METTL3: variants seen among roughly 807,000 people sequenced by gnomAD.
The protein encoded by METTL3 is N(6)-adenosine-methyltransferase catalytic subunit METTL3.
Under a neutral mutation model 64.3 loss-of-function variants are expected in METTL3, and 42 were observed. The observed-to-expected ratio is 0.65, with a 90% CI of 0.51 to 0.84. The LOEUF (loss-of-function observed/expected upper bound fraction) is 0.84, where lower values mean the gene tolerates loss of function less well. METTL3 is among the 40% of genes least tolerant of loss of function. The pLI is 0.00. For missense variants in METTL3, 435 were observed against 722.3 expected (o/e 0.60, Z 4.56); for synonymous variants, 256 against 263.6 (o/e 0.97, Z 0.28).
At chr14:21,505,889 T>A (rs952462139) in intron 1 of METTL3, among the ~76,000 whole-genome samples, 2 of 150,138 alleles carry the variant, frequency 1.3e-5, no homozygotes, top group Non-Finnish European at 3.0e-5. Flanking sequence ...ACCCTTTAAT[T>A]AAGAGAACCA....
rs1378792327 is a variant in METTL3, at chr14:21,504,093, T to C, written c.101-212A>G. The C allele has an allele frequency of 2.5e-5, 14 of 555,774 alleles. No homozygotes were observed. In the East Asian group the frequency reaches 4.0e-4, roughly 16 times the overall value. 34.4% of individuals were successfully genotyped at this position (555,774 alleles called of 1,614,324 possible). ...AATACTGGATTTTCTATCTACCTTT[T>C]CTCTATTGAGTGAGTAATCTTTTCC... is the stretch of plus-strand genomic sequence containing the variant. On this transcript the variant is annotated intron_variant, in intron 1 of 10. Coordinates refer to ENST00000298717, the MANE Select transcript of METTL3 (RefSeq NM_019852.5).
intron 1 of METTL3, among the ~76,000 whole-genome samples, chr14:21,508,759 TG>T (rs981156498): frequency 1.2e-4 from 18 of 152,088 alleles, no homozygotes; most frequent in Non-Finnish European, 2.1e-4. Context: ...CCAGGAGTGG[TG>T]GCACATGCCT....
At chr14:21,504,358 CACAA>C (rs1457272847) in intron 1 of METTL3, 3 of 157,312 alleles carry the variant, frequency 1.9e-5, no homozygotes, top group Non-Finnish European at 4.2e-5. Context: ...CTATAACACT[CACAA>C]ACACAAAAAT....
At position 21,501,725 on chromosome 14, in the gene METTL3, G is replaced by C; in HGVS notation, c.899+3C>G. On this transcript the variant is annotated splice_donor_region_variant and intron_variant, in intron 4 of 10. Coordinates refer to ENST00000298717, the MANE Select transcript of METTL3 (RefSeq NM_019852.5). ...CATCCCACCTCATTCCCTTCCAAGA[G>C]ACCTGAAGTGCAGCTTGCGACAGGG... 1.9e-6 allele frequency: 3 copies of C among 1,614,098 alleles called. No homozygotes were observed. The highest frequency in any genetic ancestry group is 2.5e-6 in the Non-Finnish European group (3 of 1,179,946).
intron 1 of METTL3, chr14:21,504,746 C>A (rs1189077802): frequency 1.3e-5 from 2 of 150,296 alleles, no homozygotes; most frequent in African/African-American, 4.9e-5. Context: ...GCCTGGCCAA[C>A]ATGGTGAAAC....
intron 4 of METTL3, chr14:21,501,408 T>G: frequency 1.8e-6 from 1 of 547,074 alleles, no homozygotes; most frequent in African/African-American, 1.9e-5. Flanking sequence ...AACACTGACC[T>G]AAGAGTTTAG....
chr14:21,504,063 A>T (rs1286991239), intron 1 of METTL3, 182 bp from the exon 2 acceptor site: 2 of 595,048 alleles, frequency 3.4e-6, no homozygotes, highest in African/African-American at 3.7e-5. Flanking sequence ...CTGCTTTGTC[A>T]AGATAATACT....
rs1444701293 is a variant in METTL3, at chr14:21,501,060, C to T, written c.969G>A (p.Met323Ile). The T allele has an allele frequency of 1.9e-6, 3 of 1,613,980 alleles. No individual in the cohort carries two copies. The highest frequency in any genetic ancestry group is 2.5e-6 in the Non-Finnish European group (3 of 1,180,028). Reference sequence around the variant, plus strand: ...CATAGTGAACATACTTGCAGGTATCCATGTGGAAACATGTATTAAGGAAAG... The same window carrying T: ...CATAGTGAACATACTTGCAGGTATCTATGTGGAAACATGTATTAAGGAAAG... ...DCSFLNTCFH[M>I]DTCKYVHYEI... Residue 323 changes from methionine to isoleucine, a missense_variant, in exon 5 of 11, where the codon ATG (methionine) becomes ATA (isoleucine). Met to Ile is a conservative substitution (Grantham distance 10). Transcript: ENST00000298717.
At chr14:21,500,184 C>G (rs1891524422) in intron 6 of METTL3, among the ~76,000 whole-genome samples, 1 of 151,954 alleles carries the variant, frequency 6.6e-6, no homozygotes, top group Non-Finnish European at 1.5e-5. Context: ...ATGGTGAAAT[C>G]CAGTCTCTAC....
chr14:21,505,227 C>T (rs529520605), intron 1 of METTL3, among the ~76,000 whole-genome samples: 4 of 152,322 alleles, frequency 2.6e-5, no homozygotes, highest in African/African-American at 9.6e-5. Flanking sequence ...GAGGATTCCA[C>T]TCTCACCCAT....
chr14:21,507,441 C>T (rs1164265082), intron 1 of METTL3, among the ~76,000 whole-genome samples: 1 of 152,034 alleles, frequency 6.6e-6, no homozygotes, highest in African/African-American at 2.4e-5. Context: ...GGGCGGATCA[C>T]GAGGTCAGGA....
At chr14:21,502,051 T>G in intron 3 of METTL3, 148 bp from the exon 4 acceptor site, 2 of 670,308 alleles carry the variant, frequency 3.0e-6, no homozygotes, top group Non-Finnish European at 4.9e-6. Flanking sequence ...GGGATCTTGC[T>G]GTCACCCAGG....
Position 21,503,494 on chromosome 14 carries a change from A to G in METTL3, c.402T>C (p.Gly134=). The G allele has an allele frequency of 1.2e-6, 2 of 1,611,862 alleles. No homozygotes were observed. Among genetic ancestry groups the G allele is most frequent in the Non-Finnish European group, 1.7e-6 (2 of 1,179,980 alleles). The change falls in exon 3 of 11, where the codon GGT becomes GGC. Residue 134 remains glycine (G), a synonymous_variant. Coordinates refer to ENST00000298717, the MANE Select transcript of METTL3 (RefSeq NM_019852.5). ...TAGGATGTGCATCATCTTGTAGGAG[A>G]CCTCGCTTTACCTCAATCAACTCCT... ...AAQELIEVKR[G]LLQDDAHPTL...
intron 7 of METTL3, 53 bp downstream of exon 7, chr14:21,499,711 A>G: frequency 1.3e-6 from 2 of 1,582,680 alleles, no homozygotes; most frequent in South Asian, 1.1e-5. Flanking sequence ...GAGAACATGT[A>G]TCTCACTGTA....
At chr14:21,505,171 A>T (rs35856604) in intron 1 of METTL3, among the ~76,000 whole-genome samples, 29,913 of 151,352 alleles carry the variant, frequency 0.2, 3,659 homozygotes, top group African/African-American at 0.35. Flanking sequence ...TAGCCACACA[A>T]GGTGGCCTGT....
rs139331788 is a variant in METTL3 at position 21,503,043 on chromosome 14, T to G, written c.723+130A>C. ...CGGACATTACCAGATCCCCTGGGAG[T>G]TGGGCAGTAGGGAATCATCCCCAGT... On this transcript the variant is annotated intron_variant, in intron 3 of 10. Coordinates refer to ENST00000298717, the MANE Select transcript of METTL3 (RefSeq NM_019852.5). 1.0e-4 allele frequency: 99 copies of G among 992,196 alleles called. 1 individual carries two copies. The East Asian group carries it at 2.0e-3, about 20-fold the overall frequency. The allele number at this position is 992,196 out of a possible 1,614,324, so 61.5% of individuals were successfully genotyped here.
At chr14:21,499,158 GC>G (rs776422186) in intron 9 of METTL3, 21 bp from the exon 10 acceptor site, 1 of 1,598,042 alleles carries the variant, frequency 6.3e-7, no homozygotes, top group Non-Finnish European at 8.6e-7. Context: ...AAAACTAGCT[GC>G]TTTTTAAGTT....
At chr14:21,505,938 C>G (rs1306158194) in intron 1 of METTL3, among the ~76,000 whole-genome samples, 2 of 152,114 alleles carry the variant, frequency 1.3e-5, no homozygotes, top group Non-Finnish European at 2.9e-5. Flanking sequence ...TTGCTGAATC[C>G]TTAAACGTGT....
At chr14:21,498,442 T>C (rs1370154381) in intron 10 of METTL3, 73 bp from the exon 11 acceptor site, 1 of 1,435,876 alleles carries the variant, frequency 7.0e-7, no homozygotes, top group Non-Finnish European at 9.7e-7. Flanking sequence ...AAAAAATGCA[T>C]ACCAAATGAA....
Sources: gnomAD v4.1 joint callset for allele counts (sites outside exome capture counted in the v4.1 genomes callset) on GRCh38, gnomAD v4.1.1 for gene constraint, MANE v1.5 for transcripts, NCBI Gene and HGNC (gene_info 2026-07-23, HGNC 2026-07-21) for gene names.